Variants in GABRR3 observed in about 807,000 individuals in gnomAD.
GABRR3 encodes gamma-aminobutyric acid receptor subunit rho-3.
A neutral mutation model predicts 43.2 loss-of-function variants in GABRR3; 29 were observed. The ratio of observed to expected loss-of-function variants is 0.67; its 90% confidence interval spans 0.50 to 0.92. GABRR3 has a LOEUF of 0.92. GABRR3 is among the 40% of genes least tolerant of loss of function. GABRR3 has a pLI of 0.00. For synonymous variants in GABRR3, 206 were observed against 195.9 expected (o/e 1.05, Z -0.43); for missense variants, 576 against 572.3 (o/e 1.01, Z -0.07).
chr3:98,012,434 AC>A lies in GABRR3; in HGVS notation c.439del (p.Val147SerfsTer28). On this transcript the variant is annotated frameshift_variant, in exon 5 of 10. Coordinates refer to ENST00000621172, the Ensembl canonical transcript of GABRR3. LOFTEE classifies it high-confidence loss of function. ...ATGGATGAAGGATCTTTTAGAGTGGACAAAAAAGATATCAGGCACCCAGATC... is the reference window on the plus strand; with the variant it reads ...ATGGATGAAGGATCTTTTAGAGTGGAAAAAAAGATATCAGGCACCCAGATC... 1 of 1,613,892 alleles carries A rather than the reference AC, an allele frequency of 6.2e-7. No homozygotes were observed. Among genetic ancestry groups the A allele is most frequent in the Non-Finnish European group, 8.5e-7 (1 of 1,179,796 alleles).
At chr3:98,015,724 A>T (rs1706865161) in intron 4 of GABRR3, among the ~76,000 whole-genome samples, 1 of 152,198 alleles carries the variant, frequency 6.6e-6, no homozygotes, top group Non-Finnish European at 1.5e-5. Context: ...AGGACAAAGA[A>T]ATGAGATGGA....
intron 9 of GABRR3, among the ~76,000 whole-genome samples, chr3:97,992,251 GAT>G (rs1706478266): frequency 6.6e-6 from 1 of 152,082 alleles, no homozygotes; most frequent in Non-Finnish European, 1.5e-5. Flanking sequence ...GACAAGAAGA[GAT>G]ATATAAATGC....
chr3:98,026,227 C>A (rs528828511), intron 2 of GABRR3, among the ~76,000 whole-genome samples: 1 of 152,184 alleles, frequency 6.6e-6, no homozygotes, highest in African/African-American at 2.4e-5. Flanking sequence ...AGGCTGAGAG[C>A]GCACCGGGCA....
chr3:98,033,113 A>T (rs1707110667), intron 2 of GABRR3, among the ~76,000 whole-genome samples: 1 of 152,126 alleles, frequency 6.6e-6, no homozygotes, highest in Non-Finnish European at 1.5e-5. Flanking sequence ...CTCAGGGAAA[A>T]TGCCTGGGTT....
rs143589847 is a variant in GABRR3, at chr3:97,994,574, G to A, written c.908-1526C>T. Among the ~76,000 whole-genome samples the A allele has an allele frequency of 1.3e-3, 201 of 152,246 alleles. 1 individual carries two copies. In the Middle Eastern group the frequency reaches 0.014, roughly 10 times the overall value. ...CCTGGCTCTAAAACATACTTGCTACGTAAACATGAAGCAAAGAGTGAACAT... is the reference window on the plus strand; with the variant it reads ...CCTGGCTCTAAAACATACTTGCTACATAAACATGAAGCAAAGAGTGAACAT... On this transcript the variant is annotated intron_variant, in intron 8 of 9. Transcript: ENST00000621172.
chr3:98,019,588 T>C (rs1706912870), intron 3 of GABRR3, among the ~76,000 whole-genome samples: 1 of 152,084 alleles, frequency 6.6e-6, no homozygotes, highest in African/African-American at 2.4e-5. Flanking sequence ...TAACACTAAT[T>C]ATGACTTTTT....
At chr3:98,002,897 C>T (rs182683706) in intron 7 of GABRR3, among the ~76,000 whole-genome samples, 1 of 152,240 alleles carries the variant, frequency 6.6e-6, no homozygotes, top group Admixed American at 6.5e-5. Flanking sequence ...TTAGATGGAT[C>T]ACTTAAGTAC....
intron 5 of GABRR3, among the ~76,000 whole-genome samples, chr3:98,009,913 AC>A (rs368404060): frequency 6.6e-6 from 1 of 152,136 alleles, no homozygotes; most frequent in African/African-American, 2.4e-5. Context: ...CCTAGAAAGG[AC>A]CCTCCGAGGT....
intron 8 of GABRR3, 39 bp from the exon 9 acceptor site, chr3:97,993,087 C>T (rs1706492320): frequency 6.8e-7 from 1 of 1,473,952 alleles, no homozygotes; most frequent in Non-Finnish European, 9.2e-7. Context: ...GTGATATAGC[C>T]ATTCATTTCC....
chr3:98,003,554 G>A (rs1244567551), intron 7 of GABRR3, among the ~76,000 whole-genome samples: 2 of 151,914 alleles, frequency 1.3e-5, no homozygotes, highest in East Asian at 1.9e-4. Context: ...TCCCTATCAG[G>A]AAAGGTGGTG....
intron 8 of GABRR3, among the ~76,000 whole-genome samples, chr3:97,993,338 G>C (rs73853108): frequency 0.027 from 4,116 of 152,184 alleles, 159 homozygotes; most frequent in African/African-American, 0.09. Flanking sequence ...TTCACCCTCA[G>C]ATGGGCCTCT....
chr3:97,996,118 T>C (rs1223085708), intron 8 of GABRR3, among the ~76,000 whole-genome samples: 1 of 152,190 alleles, frequency 6.6e-6, no homozygotes, highest in Non-Finnish European at 1.5e-5. Flanking sequence ...ACTGATATGA[T>C]AGCAGTAGGG....
exon 2 of GABRR3, chr3:98,034,893 T>C (rs1346154102): frequency 6.2e-7 from 1 of 1,613,078 alleles, no homozygotes; most frequent in African/African-American, 1.3e-5. Flanking sequence ...GGAGCACCGC[T>C]GGTGTGTCAT....
chr3:97,991,458 C>T (rs1334826910), intron 9 of GABRR3, among the ~76,000 whole-genome samples: 1 of 152,198 alleles, frequency 6.6e-6, no homozygotes, highest in Admixed American at 6.5e-5. Flanking sequence ...CTTACACGTG[C>T]ATAGCACTCA....
intron 7 of GABRR3, 123 bp downstream of exon 7, chr3:98,007,641 G>T: frequency 9.9e-7 from 1 of 1,005,290 alleles, no homozygotes; most frequent in Non-Finnish European, 1.5e-6. Context: ...TAAAAGGAGA[G>T]GAATGATGGT....
intron 5 of GABRR3, among the ~76,000 whole-genome samples, chr3:98,010,972 C>T (rs1278753692): frequency 1.3e-5 from 2 of 152,032 alleles, no homozygotes; most frequent in African/African-American, 4.8e-5. Flanking sequence ...TGGTGGCAGG[C>T]ACCTGTGACC....
chr3:97,991,612 C>T (rs964169464), intron 9 of GABRR3, among the ~76,000 whole-genome samples: 5 of 152,216 alleles, frequency 3.3e-5, no homozygotes, highest in Non-Finnish European at 7.3e-5. Context: ...CATTCCAGAT[C>T]TGAATTGCAA....
chr3:97,993,152 G>A, intron 8 of GABRR3, 104 bp from the exon 9 acceptor site: 1 of 902,726 alleles, frequency 1.1e-6, no homozygotes, highest in Admixed American at 3.0e-5. Flanking sequence ...ATATCAACCT[G>A]GTGATCCAAG....
intron 6 of GABRR3, among the ~76,000 whole-genome samples, chr3:98,008,385 T>C (rs1193104074): frequency 6.6e-6 from 1 of 152,218 alleles, no homozygotes; most frequent in Non-Finnish European, 1.5e-5. Flanking sequence ...GGGCGGAGCA[T>C]CTGTGGAGTA....
Sources: gnomAD v4.1 joint callset for allele counts (sites outside exome capture counted in the v4.1 genomes callset) on GRCh38, gnomAD v4.1.1 for gene constraint, MANE v1.5 for transcripts, NCBI Gene and HGNC (gene_info 2026-07-23, HGNC 2026-07-21) for gene names.